SOS1: variants seen among roughly 807,000 people sequenced by gnomAD.
The protein encoded by SOS1 is SOS Ras/Rac guanine nucleotide exchange factor 1.
In SOS1, 25 loss-of-function variants were observed where a neutral mutation model predicts 157.6. The observed-to-expected ratio is 0.16, with a 90% confidence interval of 0.12 to 0.22. The LOEUF is 0.22. Ranked by LOEUF, SOS1 falls within the 10% of genes least tolerant of loss-of-function variation. The pLI is 1.00. For synonymous variants in SOS1, 528 were observed against 534.0 expected, an observed-to-expected ratio of 0.99 and a Z score of 0.16; for missense variants, 1,237 against 1,599.1, an observed-to-expected ratio of 0.77 and a Z score of 3.86.
rs547434559 is a variant in SOS1, at chr2:39,106,565, T to C, written c.87+13771A>G. ...GAGATCCCGCCACTGCACTCCAGCC[T>C]GGGCGACAGAGCGAGACTCCGTCTC... On this transcript the variant is annotated intron_variant, in intron 1 of 22. Transcript: ENST00000402219. Among the ~76,000 whole-genome samples, 16 of 129,744 alleles carry C rather than the reference T, an allele frequency of 1.2e-4. No homozygotes were observed. In the South Asian group the frequency reaches 3.8e-3, roughly 31 times the overall value. 85.1% of individuals were successfully genotyped at this position (129,744 alleles called of 152,430 possible).
chr2:39,110,722 A>G (rs962436883), intron 1 of SOS1, among the ~76,000 whole-genome samples: 2 of 152,264 alleles, frequency 1.3e-5, no homozygotes, highest in African/African-American at 2.4e-5. Flanking sequence ...AAAAGACAAC[A>G]TTAGGAAAAT....
chr2:39,121,438 T>C (rs1342965966), upstream of SOS1, among the ~76,000 whole-genome samples: 3 of 152,188 alleles, frequency 2.0e-5, no homozygotes. Context: ...AGGTGCTCTG[T>C]CACGAAACCT....
chr2:39,001,136 A>G (rs983302853), intron 17 of SOS1, among the ~76,000 whole-genome samples: 1 of 152,284 alleles, frequency 6.6e-6, no homozygotes, highest in Non-Finnish European at 1.5e-5. Flanking sequence ...TTGGCTTACT[A>G]CAACCTCTGC....
chr2:39,080,071 C>T (rs961437075), intron 1 of SOS1, among the ~76,000 whole-genome samples: 1 of 151,956 alleles, frequency 6.6e-6, no homozygotes, highest in Non-Finnish European at 1.5e-5. Context: ...TTATTGTTTA[C>T]TTTATTTCTA....
chr2:39,119,733 C>T (rs1673793092), intron 1 of SOS1, among the ~76,000 whole-genome samples: 1 of 152,180 alleles, frequency 6.6e-6, no homozygotes, highest in African/African-American at 2.4e-5. Flanking sequence ...ATGACAGCAC[C>T]AAGAATCTCG....
chr2:39,063,767 A>T (rs1404019491), intron 2 of SOS1, among the ~76,000 whole-genome samples: 1 of 152,230 alleles, frequency 6.6e-6, no homozygotes, highest in African/African-American at 2.4e-5. Flanking sequence ...ATTAAGCAGT[A>T]ATTGCTACCA....
intron 1 of SOS1, among the ~76,000 whole-genome samples, chr2:39,069,642 G>A (rs1671730656): frequency 6.6e-6 from 1 of 151,930 alleles, no homozygotes; most frequent in Non-Finnish European, 1.5e-5. Flanking sequence ...CCGCCTCCTG[G>A]GTTCAAGCAA....
At chr2:39,089,858 G>A (rs1014281172) in intron 1 of SOS1, among the ~76,000 whole-genome samples, 4 of 151,718 alleles carry the variant, frequency 2.6e-5, no homozygotes, top group Non-Finnish European at 2.9e-5. Flanking sequence ...CAGGCACAGC[G>A]GCTCACACCT....
rs201085754 is a variant in SOS1 at position 39,056,862 on chromosome 2, A to C, written c.350T>G (p.Val117Gly). ...VEKIHPLLKEVLGYKIDHQVS... is the reference protein window; with the variant it reads ...VEKIHPLLKEGLGYKIDHQVS... ...CTGGTGGTCAATTTTATAACCTAGG[A>C]CCTCCTGCAAAATTAAAAGAAAAGC... The change falls in exon 4 of 23, where the codon GTC (valine) becomes GGC (glycine). Residue 117 changes from valine (V) to glycine (G), a missense_variant. By Grantham distance (109) the Val-to-Gly change is moderately radical (BLOSUM62 -3). Transcript: ENST00000402219. 20 of 1,601,672 alleles carry C rather than the reference A, an allele frequency of 1.2e-5. No individual in the cohort carries two copies. The highest frequency in any genetic ancestry group is 1.7e-6 in the Non-Finnish European group (2 of 1,169,296).
intron 6 of SOS1, among the ~76,000 whole-genome samples, chr2:39,048,554 CCAT>C (rs889650862): frequency 2.0e-5 from 3 of 152,074 alleles, no homozygotes; most frequent in African/African-American, 7.2e-5. Flanking sequence ...GCTCCCACCA[CCAT>C]GCCTCGCTAA....
chr2:39,124,847 C>T (rs1312866266), upstream of SOS1, among the ~76,000 whole-genome samples: 2 of 152,134 alleles, frequency 1.3e-5, no homozygotes, highest in Non-Finnish European at 2.9e-5. Context: ...ATTCAGAATG[C>T]CTGTCGCCTT....
At position 39,022,985 on chromosome 2, in the gene SOS1, AG is replaced by A; in HGVS notation, c.1442del (p.Pro481LeufsTer36). The A allele has an allele frequency of 6.2e-7, 1 of 1,613,864 alleles. No homozygotes were observed. The highest frequency in any genetic ancestry group is 8.5e-7 in the Non-Finnish European group (1 of 1,179,838). The part of the protein sequence containing the change: ...CKSNHGQPRL[P>X]GASNAEYRLK... ...GACGATATTCTGCATTGCTAGCACC[AG>A]GAAGTCTTGGCTGCCCATGATTTGA... On this transcript the variant is annotated frameshift_variant, in exon 10 of 23. Coordinates refer to ENST00000402219, the MANE Select transcript of SOS1 (RefSeq NM_005633.4). LOFTEE classifies it high-confidence loss of function.
chr2:38,988,699 A>T (rs1250434203), intron 21 of SOS1, among the ~76,000 whole-genome samples: 3 of 152,188 alleles, frequency 2.0e-5, no homozygotes, highest in Admixed American at 6.6e-5. Context: ...CAGCAAAAAA[A>T]TATTAGCTTA....
intron 1 of SOS1, among the ~76,000 whole-genome samples, chr2:39,091,617 C>T (rs1478189949): frequency 6.6e-6 from 1 of 152,002 alleles, no homozygotes; most frequent in Admixed American, 6.6e-5. Flanking sequence ...TTTCCTTGTC[C>T]TCACATCCCC....
intron 6 of SOS1, among the ~76,000 whole-genome samples, chr2:39,044,511 G>A (rs1385016888): frequency 6.6e-6 from 1 of 152,072 alleles, no homozygotes; most frequent in Non-Finnish European, 1.5e-5. Context: ...GTGTAAAACT[G>A]TAAACTTCTC....
At chr2:39,113,357 CTT>C (rs573347245) in intron 1 of SOS1, among the ~76,000 whole-genome samples, 7 of 137,302 alleles carry the variant, frequency 5.1e-5, no homozygotes, top group Non-Finnish European at 6.4e-5. Context: ...TACCTGTCTT[CTT>C]TTTTTTTTTT....
intron 8 of SOS1, among the ~76,000 whole-genome samples, chr2:39,025,118 A>G (rs1483210111): frequency 6.6e-6 from 1 of 152,224 alleles, no homozygotes; most frequent in Admixed American, 6.5e-5. Context: ...AAGAAATCAC[A>G]TATTGGCTGG....
intron 1 of SOS1, among the ~76,000 whole-genome samples, chr2:39,104,343 A>G (rs1303719728): frequency 6.6e-6 from 1 of 152,218 alleles, no homozygotes; most frequent in Non-Finnish European, 1.5e-5. Flanking sequence ...ACATTTCTAT[A>G]AAGACATACA....
Position 39,040,312 on chromosome 2 carries a change from C to T in SOS1, c.865-4812G>A, listed in dbSNP as rs567249129. On this transcript the variant is annotated intron_variant, in intron 6 of 22. Transcript: ENST00000402219. ...GATTACAGGCATGAGCCACTGTGCCCGGCCTAATTTTTTTTATATTGTGGT... is the reference window on the plus strand; with the variant it reads ...GATTACAGGCATGAGCCACTGTGCCTGGCCTAATTTTTTTTATATTGTGGT... Among the ~76,000 whole-genome samples, 4 of 152,198 alleles carry T rather than the reference C, an allele frequency of 2.6e-5. No homozygotes were observed. In the South Asian group the frequency reaches 6.2e-4, roughly 24 times the overall value.
Sources: gnomAD v4.1 joint callset for allele counts (sites outside exome capture counted in the v4.1 genomes callset) on GRCh38, gnomAD v4.1.1 for gene constraint, MANE v1.5 for transcripts, NCBI Gene and HGNC (gene_info 2026-07-23, HGNC 2026-07-21) for gene names.